KMT2D: variants seen among roughly 807,000 people sequenced by gnomAD.
KMT2D encodes the protein histone-lysine N-methyltransferase 2D.
Under a neutral mutation model 512.7 loss-of-function variants are expected in KMT2D, and 55 were observed. That is an observed-to-expected ratio of 0.11 (90% CI 0.09 to 0.13). The LOEUF is 0.13. KMT2D is among the 10% of genes least tolerant of loss of function. The pLI is 1.00. For missense variants in KMT2D, 6,061 were observed against 7,127.9 expected (o/e 0.85, Z 5.39); for synonymous variants, 2,995 against 2,904.0 (o/e 1.03, Z -1.01).
In KMT2D at chr12:49,057,197, T is replaced by C. The variant is rs563503690; in HGVS notation, c.-37-1836A>G. Among the ~76,000 whole-genome samples, 7 of 152,320 alleles carry C rather than the reference T, an allele frequency of 4.6e-5. No individual in the cohort carries two copies. In the South Asian group the frequency reaches 1.4e-3, roughly 32 times the overall value. On this transcript the variant is annotated intron_variant, in intron 1 of 54. Coordinates refer to ENST00000301067, the MANE Select transcript of KMT2D (RefSeq NM_003482.4). The stretch of plus-strand genomic sequence containing the variant: ...CTCTTCCATTCAGTCATTCAAGGCC[T>C]GGCCACACCCGGAAGGTCCAAGGGG...
intron 1 of KMT2D, among the ~76,000 whole-genome samples, chr12:49,057,532 T>C (rs1410426364): frequency 6.6e-6 from 1 of 152,122 alleles, no homozygotes; most frequent in East Asian, 1.9e-4. Flanking sequence ...CCAGAGCCCA[T>C]TCATGGGGCC....
At position 49,054,622 on chromosome 12, in the gene KMT2D, G is replaced by T. The variant is rs2120711591; in HGVS notation, c.306C>A (p.Ser102Arg). The change falls in exon 4 of 55, where the codon AGC becomes AGA. Residue 102 changes from serine (S) to arginine (R), a missense_variant. This residue lies in a region of KMT2D where 144 missense variants were observed against 165.7 expected (regional missense o/e 0.87). Coordinates refer to ENST00000301067, the MANE Select transcript of KMT2D (RefSeq NM_003482.4). The surrounding 1 kb of genome is among the most constrained non-coding windows in gnomAD (Gnocchi z 6.4). Reference sequence around the variant, plus strand: ...GCAGCACTGCCTCATTGGGCCCTGGGCTCCCCCCAGGGGACACCACTGGAC... The same window carrying T: ...GCAGCACTGCCTCATTGGGCCCTGGTCTCCCCCCAGGGGACACCACTGGAC... The part of the protein sequence containing the change: ...PRCPVVSPGG[S>R]PGPNEAVLPS... The T allele has an allele frequency of 6.2e-7, 1 of 1,613,142 alleles. No individual in the cohort carries two copies.
At chr12:49,028,409 T>A (rs1400206386) in intron 46 of KMT2D, among the ~76,000 whole-genome samples, 1 of 152,224 alleles carries the variant, frequency 6.6e-6, no homozygotes, top group Non-Finnish European at 1.5e-5. Context: ...AGGCTCATGA[T>A]ACACGTTAGC....
Position 49,053,554 on chromosome 12 carries a change from G to A in KMT2D, c.761C>T (p.Ala254Val). Residue 254 changes from alanine (A) to valine (V), a missense_variant, in exon 7 of 55, where the codon GCC becomes GTC. Ala to Val is a moderately conservative substitution (Grantham distance 64). Coordinates refer to ENST00000301067, the MANE Select transcript of KMT2D (RefSeq NM_003482.4). ...CTSCGHHYHG[A>V]CLDTALTARK... Reference sequence around the variant, plus strand: ...GGCAGTCAGAGCAGTGTCCAGGCAGGCCCCGTGATAGTGATGCCCACAGCT... The same window carrying A: ...GGCAGTCAGAGCAGTGTCCAGGCAGACCCCGTGATAGTGATGCCCACAGCT... The A allele has an allele frequency of 6.2e-7, 1 of 1,600,812 alleles. No homozygotes were observed. Among genetic ancestry groups the A allele is most frequent in the Non-Finnish European group, 8.5e-7 (1 of 1,173,754 alleles).
intron 9 of KMT2D, 34 bp downstream of exon 9, chr12:49,052,881 G>C (rs1440671433): frequency 6.2e-7 from 1 of 1,610,702 alleles, no homozygotes; most frequent in Non-Finnish European, 8.5e-7. Flanking sequence ...CTTCCAACCT[G>C]CCAGCCCAAT....
chr12:49,026,254 G>T lies in KMT2D; in HGVS notation c.15712C>A (p.Arg5238=). ...ATGACTTTGATTACAAACTCCGGCC[G>T]CCCGTTGTTCTCACCAATAGAACAG... The part of the protein sequence containing the change: ...YRCSIGENNG[R]PEFVIKVIEQ... Residue 5238 remains arginine, a synonymous_variant, in exon 49 of 55, where the codon CGG becomes AGG. Coordinates refer to ENST00000301067, the MANE Select transcript of KMT2D (RefSeq NM_003482.4). The surrounding 1 kb of genome is among the most constrained non-coding windows in gnomAD (Gnocchi z 9.6). The T allele has an allele frequency of 6.2e-7, 1 of 1,604,902 alleles. No homozygotes were observed. Among genetic ancestry groups the T allele is most frequent in the Non-Finnish European group, 8.5e-7 (1 of 1,172,220 alleles).
rs1483928465 is a variant in KMT2D, at chr12:49,024,024, A to T, written c.16052+554T>A. On this transcript the variant is annotated intron_variant, in intron 51 of 54. Transcript: ENST00000301067. This position sits in a 1 kb window ranked among gnomAD's most constrained non-coding sequence, Gnocchi z 4.5. The stretch of plus-strand genomic sequence containing the variant: ...GGGTCTCAGTTTTCTCAGCTGTAAA[A>T]TGGGGGTCATACCACCTGCCCTACC... 2 of 451,908 alleles carry T rather than the reference A, an allele frequency of 4.4e-6. No individual in the cohort carries two copies. Among genetic ancestry groups the T allele is most frequent in the South Asian group, 1.6e-5 (1 of 63,374 alleles). 28.0% of individuals were successfully genotyped at this position (451,908 alleles called of 1,614,324 possible). A position where few individuals can be genotyped will look rare whatever the true frequency, so the allele number is the denominator to read the frequency against.
chr12:49,051,579 G>C lies in KMT2D; in HGVS notation c.2104C>G (p.Pro702Ala), dbSNP rs373229483. The change falls in exon 11 of 55, where the codon CCT (proline) becomes GCT (alanine). Residue 702 changes from proline to alanine, a missense_variant. Around this residue, in one of 16 missense-constraint regions of KMT2D, gnomAD observed 848 missense variants for 838.5 expected, o/e 1.01. Coordinates refer to ENST00000301067, the MANE Select transcript of KMT2D (RefSeq NM_003482.4). ...PPEDSPTSPP[P>A]EDSPASPPPE... The stretch of plus-strand genomic sequence containing the variant: ...GGTGGGGAAGCAGGTGAGTCCTCAG[G>C]TGGTGGGGATGTGGGGGAGTCCTCA... 1 of 1,602,896 alleles carries C rather than the reference G, an allele frequency of 6.2e-7. No homozygotes were observed. Among genetic ancestry groups the C allele is most frequent in the Non-Finnish European group, 8.5e-7 (1 of 1,173,106 alleles).
rs1447746752 is a variant in KMT2D at position 49,037,430 on chromosome 12, G to A, written c.9926C>T (p.Ser3309Phe). 6 of 1,593,312 alleles carry A rather than the reference G, an allele frequency of 3.8e-6. No individual in the cohort carries two copies. Among genetic ancestry groups the A allele is most frequent in the Non-Finnish European group, 5.1e-6 (6 of 1,170,106 alleles). ...AAGACCCAGGGAAAGCTGCTGTTGG[G>A]ACCCAGCCAAACTGGGAGAAGAGCC... is the stretch of plus-strand genomic sequence containing the variant. ...HEGSSPSLAG[S>F]QQQLSLGLAG... Residue 3309 changes from serine to phenylalanine, a missense_variant, in exon 35 of 55, where the codon TCC becomes TTC. Physicochemically the swap from Ser to Phe is radical, Grantham distance 155. This residue lies in a region of KMT2D where 533 missense variants were observed against 539.6 expected (regional missense o/e 0.99). Transcript: ENST00000301067.
chr12:49,025,800 T>C (rs1942549184), intron 49 of KMT2D, among the ~76,000 whole-genome samples: 1 of 152,204 alleles, frequency 6.6e-6, no homozygotes, highest in Admixed American at 6.5e-5. Context: ...TGTTATTTTA[T>C]CATTAACACT....
At position 49,037,440 on chromosome 12, in the gene KMT2D, A is replaced by C. The variant is rs1943275327; in HGVS notation, c.9916T>G (p.Leu3306Val). The change falls in exon 35 of 55, where the codon TTG becomes GTG. Residue 3306 changes from leucine (L) to valine (V), a missense_variant. Leu to Val is a conservative substitution (Grantham distance 32). Transcript: ENST00000301067. ...SLPHEGSSPS[L>V]AGSQQQLSLG... ...GAAAGCTGCTGTTGGGACCCAGCCA[A>C]ACTGGGAGAAGAGCCCTCATGTGGC... 1.3e-6 allele frequency: 2 copies of C among 1,585,456 alleles called. No individual in the cohort carries two copies. Among genetic ancestry groups the C allele is most frequent in the South Asian group, 1.1e-5 (1 of 87,050 alleles).
intron 49 of KMT2D, 98 bp from the exon 50 acceptor site, chr12:49,025,044 C>T (rs1038403116): frequency 1.3e-5 from 17 of 1,333,208 alleles, no homozygotes; most frequent in Middle Eastern, 2.3e-4. Context: ...CTGAGGCCTT[C>T]AAGCCTCCCT....
At chr12:49,028,801 C>A in intron 46 of KMT2D, 27 bp downstream of exon 46, 1 of 1,611,134 alleles carries the variant, frequency 6.2e-7, no homozygotes, top group East Asian at 2.2e-5. Context: ...AGGTTCCCCT[C>A]AGCCTCGAGG....
In KMT2D at chr12:49,052,680, G is replaced by T. The variant is rs2120689836; in HGVS notation, c.1142C>A (p.Pro381His). 1 of 1,613,748 alleles carries T rather than the reference G, an allele frequency of 6.2e-7. No individual in the cohort carries two copies. Among genetic ancestry groups the T allele is most frequent in the Non-Finnish European group, 8.5e-7 (1 of 1,179,762 alleles). Residue 381 changes from proline (P) to histidine (H), a missense_variant, in exon 10 of 55, where the codon CCC becomes CAC. Transcript: ENST00000301067. The stretch of plus-strand genomic sequence containing the variant: ...GTACAGAGCATCGGGCTCGTCAGTG[G>T]GGGTATCGCCAGGCTCTGGGGGTGA... ...RFSPPEPGDT[P>H]TDEPDALYVA...
rs1205695901 is a variant in KMT2D at position 49,024,114 on chromosome 12, A to T, written c.16052+464T>A. The T allele has an allele frequency of 6.6e-6, 3 of 456,016 alleles. No homozygotes were observed. The highest frequency in any genetic ancestry group is 4.7e-5 in the South Asian group (3 of 64,008). 28.2% of individuals were successfully genotyped at this position (456,016 alleles called of 1,614,324 possible). ...GATGTGAAAACGCTTTGAAAAAAAA[A>T]GTATAAAGTGCTATACAAATGTAAG... On this transcript the variant is annotated intron_variant, in intron 51 of 54. Coordinates refer to ENST00000301067, the MANE Select transcript of KMT2D (RefSeq NM_003482.4). The surrounding 1 kb of genome is among the most constrained non-coding windows in gnomAD (Gnocchi z 4.5).
Position 49,052,673 on chromosome 12 carries a change from G to A in KMT2D, c.1149C>T (p.Asp383=), listed in dbSNP as rs201709328. The A allele has an allele frequency of 5.8e-4, 933 of 1,613,744 alleles. No homozygotes were observed. Among genetic ancestry groups the A allele is most frequent in the Non-Finnish European group, 7.1e-4 (833 of 1,179,772 alleles). ...SPPEPGDTPT[D]EPDALYVACQ... The stretch of plus-strand genomic sequence containing the variant: ...ATGCAACGTACAGAGCATCGGGCTC[G>A]TCAGTGGGGGTATCGCCAGGCTCTG... Residue 383 remains aspartate, a synonymous_variant, in exon 10 of 55, where the codon GAC becomes GAT. Coordinates refer to ENST00000301067, the MANE Select transcript of KMT2D (RefSeq NM_003482.4).
rs750683991 is a variant in KMT2D, at chr12:49,044,509, G to A, written c.4977C>T (p.His1659=). Reference sequence around the variant, plus strand: ...CCTCCAGTTTAATTTCGCACTCCATGTGCTCCACACCACCTGCGTATGGTG... The same window carrying A: ...CCTCCAGTTTAATTTCGCACTCCATATGCTCCACACCACCTGCGTATGGTG... ...ELLKGEGGVE[H]MECEIKLEGP... is the part of the protein sequence containing the mutation. The change falls in exon 21 of 55, where the codon CAC becomes CAT. Residue 1659 remains histidine (H), a synonymous_variant. Coordinates refer to ENST00000301067, the MANE Select transcript of KMT2D (RefSeq NM_003482.4). The surrounding 1 kb of genome is among the most constrained non-coding windows in gnomAD (Gnocchi z 6.4). 6 of 1,613,960 alleles carry A rather than the reference G, an allele frequency of 3.7e-6. No individual in the cohort carries two copies. The Admixed American group carries it at 8.3e-5, about 22-fold the overall frequency.
At chr12:49,029,499 A>T in intron 43 of KMT2D, 23 bp from the exon 44 acceptor site, 2 of 1,544,824 alleles carry the variant, frequency 1.3e-6, no homozygotes, top group Non-Finnish European at 1.8e-6. Flanking sequence ...TAGGGAGAAG[A>T]AAAGTCAGGT....
chr12:49,019,995 C>A lies in KMT2D; in HGVS notation c.*1785G>T, dbSNP rs1427654872. The stretch of plus-strand genomic sequence containing the variant: ...ATTACAAAATGCCCTTTGCCCACAG[C>A]CCCTAGAAGAGAACTGCATATAAGC... On this transcript the variant is annotated 3_prime_UTR_variant, in exon 55 of 55. Coordinates refer to ENST00000301067, the MANE Select transcript of KMT2D (RefSeq NM_003482.4). 1 of 217,642 alleles carries A rather than the reference C, an allele frequency of 4.6e-6. No homozygotes were observed. Among genetic ancestry groups the A allele is most frequent in the Non-Finnish European group, 9.3e-6 (1 of 107,806 alleles). 13.5% of individuals were successfully genotyped at this position (217,642 alleles called of 1,614,324 possible).
Sources: gnomAD v4.1 joint callset for allele counts (sites outside exome capture counted in the v4.1 genomes callset) on GRCh38, gnomAD v4.1.1 for gene constraint, gnomAD v4.1.1 regional missense constraint, Gnocchi (gnomAD v3.1) non-coding constraint, MANE v1.5 for transcripts, NCBI Gene and HGNC (gene_info 2026-07-23, HGNC 2026-07-21) for gene names.